Variants in PKHD1 observed in about 807,000 individuals in gnomAD.
The protein encoded by PKHD1 is PKHD1 ciliary IPT domain containing fibrocystin/polyductin, also known as fibrocystin.
Under a neutral mutation model 412.0 loss-of-function variants are expected in PKHD1, and 291 were observed. The ratio of observed to expected loss-of-function variants is 0.71; its 90% CI spans 0.64 to 0.78. The LOEUF (loss-of-function observed/expected upper bound fraction) is 0.78. PKHD1 is among the 30% of genes least tolerant of loss of function. The pLI is 0.00. For synonymous variants in PKHD1, 1,777 were observed against 1,821.5 expected (o/e 0.98, Z 0.62); for missense variants, 4,825 against 4,950.7 (o/e 0.97, Z 0.76).
chr6:51,709,363 C>G (rs1328080893), intron 60 of PKHD1, among the ~76,000 whole-genome samples: 2 of 152,174 alleles, frequency 1.3e-5, no homozygotes, highest in African/African-American at 4.8e-5. Context: ...CTAGGACAAC[C>G]ACACATCCCC....
chr6:51,694,150 T>A (rs60898086), intron 60 of PKHD1, among the ~76,000 whole-genome samples: 27,552 of 151,972 alleles, frequency 0.18, 3,011 homozygotes, highest in African/African-American at 0.3. Context: ...TGCTTTTTTT[T>A]AAATTTTCTC....
At chr6:52,029,883 AT>A (rs1802782946) in intron 29 of PKHD1, among the ~76,000 whole-genome samples, 1 of 152,250 alleles carries the variant, frequency 6.6e-6, no homozygotes, top group African/African-American at 2.4e-5. Context: ...AGGAAAAGAT[AT>A]GATTAAAACT....
chr6:51,839,452 T>C (rs1016984362), intron 50 of PKHD1, among the ~76,000 whole-genome samples: 5 of 151,972 alleles, frequency 3.3e-5, no homozygotes, highest in Non-Finnish European at 7.4e-5. Flanking sequence ...TTCTGACGAG[T>C]GCTATGTGAT....
chr6:51,640,962 G>A (rs1220917953), intron 63 of PKHD1, among the ~76,000 whole-genome samples: 4 of 152,182 alleles, frequency 2.6e-5, no homozygotes, highest in Non-Finnish European at 4.4e-5. Flanking sequence ...AAAAGATTTA[G>A]AGGAGATATA....
intron 64 of PKHD1, among the ~76,000 whole-genome samples, chr6:51,635,064 C>T (rs1768355808): frequency 6.6e-6 from 1 of 152,110 alleles, no homozygotes; most frequent in Non-Finnish European, 1.5e-5. Context: ...GTGGTTGGGA[C>T]TACAACCATG....
chr6:51,869,831 AAAAC>A (rs1300706779), intron 47 of PKHD1, among the ~76,000 whole-genome samples: 1 of 152,182 alleles, frequency 6.6e-6, no homozygotes, highest in Non-Finnish European at 1.5e-5. Flanking sequence ...TTTAATTAAA[AAAAC>A]AAACAATTAT....
At chr6:51,666,602 G>A (rs1322346734) in intron 60 of PKHD1, among the ~76,000 whole-genome samples, 1 of 151,600 alleles carries the variant, frequency 6.6e-6, no homozygotes, top group Non-Finnish European at 1.5e-5. Flanking sequence ...CAATGTGCAG[G>A]TTACATATGT....
At chr6:51,675,328 G>T (rs1775663544) in intron 60 of PKHD1, among the ~76,000 whole-genome samples, 1 of 152,154 alleles carries the variant, frequency 6.6e-6, no homozygotes, top group Non-Finnish European at 1.5e-5. Context: ...GTCACTCGGG[G>T]AAGGTTTAGT....
chr6:52,026,082 G>A lies in PKHD1; in HGVS notation c.3728C>T (p.Thr1243Met), dbSNP rs774865280. ...GGTTTCACACCAGATGCTCGCCTCCGTTAAGTTCACAATGTCACAGGACCG... is the reference window on the plus strand; with the variant it reads ...GGTTTCACACCAGATGCTCGCCTCCATTAAGTTCACAATGTCACAGGACCG... Reference protein sequence around the residue: ...GNRSCDIVNLTEASIWCETLP... With the variant: ...GNRSCDIVNLMEASIWCETLP... The change falls in exon 32 of 67, where the codon ACG becomes ATG. Residue 1243 changes from threonine to methionine, a missense_variant. Thr to Met is a moderately conservative substitution (Grantham distance 81). Coordinates refer to ENST00000371117, the MANE Select transcript of PKHD1 (RefSeq NM_138694.4). 1.4e-5 allele frequency: 22 copies of A among 1,614,126 alleles called. No individual in the cohort carries two copies. Among genetic ancestry groups the A allele is most frequent in the East Asian group, 2.2e-5 (1 of 44,884 alleles).
chr6:51,637,197 G>A lies in PKHD1; in HGVS notation c.11506+1652C>T, dbSNP rs1768690344. 2.6e-5 allele frequency among the ~76,000 whole-genome samples: 4 copies of A among 152,232 alleles called. No individual in the cohort carries two copies. The South Asian group carries it at 8.3e-4, about 32-fold the overall frequency. ...TTACTGAGGTAATTAAAGGACAAAG[G>A]CCTTTTAAATGTCAGACAAATCTGG... On this transcript the variant is annotated intron_variant, in intron 64 of 66. Coordinates refer to ENST00000371117, the MANE Select transcript of PKHD1 (RefSeq NM_138694.4).
At chr6:51,908,927 A>T (rs1400908286) in intron 40 of PKHD1, among the ~76,000 whole-genome samples, 1 of 152,132 alleles carries the variant, frequency 6.6e-6, no homozygotes, top group Non-Finnish European at 1.5e-5. Context: ...GACAGAATTC[A>T]AAACACAGGA....
chr6:51,741,130 G>T (rs1784497432), intron 60 of PKHD1: 1 of 518,862 alleles, frequency 1.9e-6, no homozygotes. Flanking sequence ...TTCTACCATT[G>T]CAACCAGCAG....
At chr6:51,816,091 C>G (rs767757965) in intron 52 of PKHD1, among the ~76,000 whole-genome samples, 8 of 151,656 alleles carry the variant, frequency 5.3e-5, no homozygotes, top group Non-Finnish European at 8.8e-5. Context: ...CCATATATTC[C>G]CAATATGATT....
chr6:51,856,266 T>C (rs767957594), intron 48 of PKHD1, among the ~76,000 whole-genome samples, 196 bp from the exon 49 acceptor site: 3 of 152,208 alleles, frequency 2.0e-5, no homozygotes, highest in Non-Finnish European at 2.9e-5. Flanking sequence ...GAAGTTGCCA[T>C]TGGATCATTT....
chr6:52,079,849 A>G, intron 5 of PKHD1, 51 bp downstream of exon 5: 1 of 1,057,206 alleles, frequency 9.5e-7, no homozygotes, highest in East Asian at 2.4e-5. Flanking sequence ...CAATAACACA[A>G]GCACACCCTT....
chr6:51,777,679 G>GAAAAAA (rs59379021), intron 53 of PKHD1, among the ~76,000 whole-genome samples: 18 of 118,796 alleles, frequency 1.5e-4, no homozygotes, highest in Non-Finnish European at 2.6e-4. Context: ...GAGTCTTTGG[G>GAAAAAA]AAAAAAAAAA....
intron 55 of PKHD1, among the ~76,000 whole-genome samples, chr6:51,759,075 T>G (rs1281508926): frequency 6.6e-6 from 1 of 152,166 alleles, no homozygotes; most frequent in Non-Finnish European, 1.5e-5. Flanking sequence ...ATATTTAGTC[T>G]TTTTCATTTT....
intron 53 of PKHD1, among the ~76,000 whole-genome samples, chr6:51,784,606 A>G (rs1792568866): frequency 6.6e-6 from 1 of 152,208 alleles, no homozygotes; most frequent in African/African-American, 2.4e-5. Flanking sequence ...TCAAGAGACT[A>G]TCAATAAGTA....
chr6:52,028,646 G>A (rs1241234567), intron 29 of PKHD1, among the ~76,000 whole-genome samples: 2 of 151,842 alleles, frequency 1.3e-5, no homozygotes, highest in Non-Finnish European at 2.9e-5. Flanking sequence ...CAAGCAGCTG[G>A]GATTACAGGC....
Sources: gnomAD v4.1 joint callset for allele counts (sites outside exome capture counted in the v4.1 genomes callset) on GRCh38, gnomAD v4.1.1 for gene constraint, MANE v1.5 for transcripts, NCBI Gene and HGNC (gene_info 2026-07-23, HGNC 2026-07-21) for gene names.